FANCD2: variants seen among roughly 807,000 people sequenced by gnomAD.
The protein encoded by FANCD2 is FA complementation group D2, also known as Fanconi anemia group D2 protein.
A neutral mutation model predicts 192.3 loss-of-function variants in FANCD2; 131 were observed. The ratio of observed to expected loss-of-function variants is 0.68; its 90% CI spans 0.59 to 0.79. FANCD2 has a LOEUF of 0.79. Among genes scored for constraint, FANCD2 ranks in the 30% least tolerant of loss-of-function variants. The pLI, the probability that FANCD2 is intolerant of heterozygous loss-of-function variation, is 0.00. For missense variants in FANCD2, 1,508 were observed against 1,701.6 expected, an observed-to-expected ratio of 0.89 and a Z score of 2.00; for synonymous variants, 524 against 612.5, an observed-to-expected ratio of 0.86 and a Z score of 2.13.
rs35782247 is a variant in FANCD2 at position 10,048,005 on chromosome 3, T to G, written c.1367T>G (p.Leu456Arg). Residue 456 changes from leucine to arginine, a missense_variant, in exon 16 of 44, where the codon CTC (leucine) becomes CGC (arginine). Coordinates refer to ENST00000675286, the MANE Select transcript of FANCD2 (RefSeq NM_001018115.3). ...LDQSIISFGS[L>R]LYKYAFKFFD... ...CAGAGTATAATTTCATTTGGCAGTC[T>G]CCTATACAAATATGCATTTAAGTTT... The G allele has an allele frequency of 5.0e-3, 8,007 of 1,613,156 alleles. 9 individuals carry two copies. The African/African-American group carries it at 0.094, about 19-fold the overall frequency.
chr3:10,051,878 C>G (rs2087230354), intron 17 of FANCD2, among the ~76,000 whole-genome samples: 1 of 151,768 alleles, frequency 6.6e-6, no homozygotes, highest in South Asian at 2.1e-4. Flanking sequence ...AAATAGTTTC[C>G]TTGTGACTCC....
chr3:10,034,449 C>T lies in FANCD2; in HGVS notation c.206-20C>T, dbSNP rs200170760. 2.5e-6 allele frequency: 4 copies of T among 1,596,722 alleles called. No individual in the cohort carries two copies. The highest frequency in any genetic ancestry group is 2.2e-5 in the East Asian group (1 of 44,750). On this transcript the variant is annotated intron_variant, in intron 3 of 43. Coordinates refer to ENST00000675286, the MANE Select transcript of FANCD2 (RefSeq NM_001018115.3). ...ACTATGGTAGGAAACTGGTGACCAG[C>T]TCTTCTTTTTTCTGCATAGCTGTGG...
intron 18 of FANCD2, among the ~76,000 whole-genome samples, chr3:10,056,259 T>A (rs1258104394): frequency 6.6e-6 from 1 of 152,234 alleles, no homozygotes; most frequent in Non-Finnish European, 1.5e-5. Flanking sequence ...TTTTGGCCAT[T>A]TGAATAATGT....
Position 10,035,244 on chromosome 3 carries a change from C to T in FANCD2, c.438+11C>T. On this transcript the variant is annotated intron_variant, in intron 6 of 43. Coordinates refer to ENST00000675286, the MANE Select transcript of FANCD2 (RefSeq NM_001018115.3). ...ATTGACATACTGCAGGTAAGACTGTCACTTTTTCTGTGAACATTTGATGGA... is the reference window on the plus strand; with the variant it reads ...ATTGACATACTGCAGGTAAGACTGTTACTTTTTCTGTGAACATTTGATGGA... 20 of 1,610,610 alleles carry T rather than the reference C, an allele frequency of 1.2e-5. No individual in the cohort carries two copies. Among genetic ancestry groups the T allele is most frequent in the Non-Finnish European group, 1.6e-5 (19 of 1,177,022 alleles).
Position 10,088,521 on chromosome 3 carries a change from A to C in FANCD2, c.3539A>C (p.Asp1180Ala). 2 of 1,607,118 alleles carry C rather than the reference A, an allele frequency of 1.2e-6. No individual in the cohort carries two copies. Among genetic ancestry groups the C allele is most frequent in the South Asian group, 2.2e-5 (2 of 90,944 alleles). Residue 1180 changes from aspartate (D) to alanine (A), a missense_variant, in exon 35 of 44, where the codon GAC becomes GCC. Physicochemically the swap from Asp to Ala is moderately radical, Grantham distance 126. Around this residue, in one of 5 missense-constraint regions of FANCD2, gnomAD observed 796 missense variants for 879.4 expected, o/e 0.91. Coordinates refer to ENST00000675286, the MANE Select transcript of FANCD2 (RefSeq NM_001018115.3). ...GDKEKSNISN[D>A]QLHALLCIYL... is the part of the protein sequence containing the mutation. ...AAAGAGAAGAGCAACATCTCTAATG[A>C]CCAGCTCCATGCTCTGCTCTGGTGA...
At chr3:10,059,296 G>A (rs1200458711) in intron 18 of FANCD2, among the ~76,000 whole-genome samples, 1 of 152,144 alleles carries the variant, frequency 6.6e-6, no homozygotes, top group Non-Finnish European at 1.5e-5. Flanking sequence ...TGACAGGTAT[G>A]AGCTACTTCG....
At chr3:10,063,584 A>C (rs2087628387) in intron 20 of FANCD2, among the ~76,000 whole-genome samples, 1 of 152,240 alleles carries the variant, frequency 6.6e-6, no homozygotes, top group Non-Finnish European at 1.5e-5. Context: ...ACTTTAGAAA[A>C]ATTAATCTGG....
intron 9 of FANCD2, chr3:10,040,798 T>A: frequency 1.2e-5 from 4 of 326,946 alleles, no homozygotes; most frequent in South Asian, 7.3e-5. Flanking sequence ...GCCCTCATCC[T>A]TTTGGGCAGG....
intron 22 of FANCD2, 134 bp downstream of exon 22, chr3:10,064,563 C>T: frequency 1.6e-6 from 2 of 1,269,524 alleles, no homozygotes; most frequent in Non-Finnish European, 2.3e-6. Flanking sequence ...TCCTCCCAAC[C>T]CCAGCACCCC....
intron 2 of FANCD2, chr3:10,032,391 C>A: frequency 3.1e-6 from 1 of 317,788 alleles, no homozygotes; most frequent in South Asian, 2.5e-5. Context: ...AGTTATTCTT[C>A]CGCCTTAGCC....
intron 19 of FANCD2, among the ~76,000 whole-genome samples, 154 bp from the exon 20 acceptor site, chr3:10,061,997 A>C (rs1176076159): frequency 6.6e-6 from 1 of 151,816 alleles, no homozygotes; most frequent in Non-Finnish European, 1.5e-5. Context: ...GAGGGATAGC[A>C]TTAGGAGATA....
chr3:10,044,482 A>G (rs1228886279), intron 14 of FANCD2, among the ~76,000 whole-genome samples: 7 of 152,032 alleles, frequency 4.6e-5, no homozygotes, highest in Non-Finnish European at 1.0e-4. Flanking sequence ...AGCCTGGCCA[A>G]TGTAGCGAAA....
intron 9 of FANCD2, chr3:10,040,735 TC>T (rs1461023620): frequency 5.6e-6 from 2 of 359,232 alleles, no homozygotes; most frequent in Admixed American, 3.8e-5. Flanking sequence ...TTGTAATACT[TC>T]CTTTTGTATA....
At chr3:10,088,692 C>G in intron 35 of FANCD2, 136 bp from the exon 36 acceptor site, 5 of 1,130,232 alleles carry the variant, frequency 4.4e-6, no homozygotes, top group Non-Finnish European at 5.3e-6. Flanking sequence ...ACATGTGGAT[C>G]TTAAGATCCT....
At chr3:10,039,422 ATT>A in intron 8 of FANCD2, 65 bp downstream of exon 8, 1 of 1,347,036 alleles carries the variant, frequency 7.4e-7, no homozygotes, top group Non-Finnish European at 1.0e-6. Context: ...TGGAGGTTGT[ATT>A]TTTTTTTCTT....
In FANCD2 at chr3:10,056,202, TTTG is replaced by T. The variant is rs1559384476; in HGVS notation, c.1656+3708_1656+3710del. Among the ~76,000 whole-genome samples the T allele has an allele frequency of 2.6e-5, 4 of 152,272 alleles. No homozygotes were observed. The East Asian group carries it at 7.7e-4, about 29-fold the overall frequency. On this transcript the variant is annotated intron_variant, in intron 18 of 43. Transcript: ENST00000675286. The stretch of plus-strand genomic sequence containing the variant: ...CCCCCATTCTTTGTTTATACCACAT[TTTG>T]TTTATCCATTCATCCATTGATGGAC...
chr3:10,056,889 C>T (rs528698983), intron 18 of FANCD2, among the ~76,000 whole-genome samples: 2 of 152,268 alleles, frequency 1.3e-5, no homozygotes, highest in South Asian at 4.1e-4. Context: ...GGGTCTCACT[C>T]TGTCACACAC....
At position 10,042,521 on chromosome 3, in the gene FANCD2, A is replaced by G. The variant is rs369411085; in HGVS notation, c.784-38A>G. 4 of 1,487,516 alleles carry G rather than the reference A, an allele frequency of 2.7e-6. No homozygotes were observed. The South Asian group carries it at 3.4e-5, about 13-fold the overall frequency. 92.1% of individuals were successfully genotyped at this position (1,487,516 alleles called of 1,614,324 possible). ...TTCAGTACAAAGTTGAGGTAGTGAC[A>G]TGAAAACCTATTAAGTTTCTGTGCT... On this transcript the variant is annotated intron_variant, in intron 10 of 43. Transcript: ENST00000675286.
rs1444446954 is a variant in FANCD2, at chr3:10,085,871, G to A, written c.3284G>A (p.Ser1095Asn). The A allele has an allele frequency of 6.2e-7, 1 of 1,613,844 alleles. No individual in the cohort carries two copies. Among genetic ancestry groups the A allele is most frequent in the East Asian group, 2.2e-5 (1 of 44,858 alleles). ...NLLYSALHVLSSRLKQGEHSQ... is the reference protein window; with the variant it reads ...NLLYSALHVLNSRLKQGEHSQ... ...CTGTATTCAGCCCTCCATGTCCTTA[G>A]TAGCCGACTGAAACAGGGAGAACAC... Residue 1095 changes from serine to asparagine, a missense_variant, in exon 33 of 44, where the codon AGT becomes AAT. Around this residue, in one of 5 missense-constraint regions of FANCD2, gnomAD observed 796 missense variants for 879.4 expected, o/e 0.91. Coordinates refer to ENST00000675286, the MANE Select transcript of FANCD2 (RefSeq NM_001018115.3).
Sources: gnomAD v4.1 joint callset for allele counts (sites outside exome capture counted in the v4.1 genomes callset) on GRCh38, gnomAD v4.1.1 for gene constraint, gnomAD v4.1.1 regional missense constraint, MANE v1.5 for transcripts, NCBI Gene and HGNC (gene_info 2026-07-23, HGNC 2026-07-21) for gene names.